Variants in CORO1C observed in about 807,000 individuals in gnomAD.
CORO1C encodes coronin-1C.
Under a neutral mutation model 51.2 loss-of-function variants are expected in CORO1C, and 14 were observed. That is an observed-to-expected ratio of 0.27 (90% CI 0.18 to 0.43). The LOEUF is 0.43. Ranked by LOEUF, CORO1C falls within the 20% of genes least tolerant of loss-of-function variation. CORO1C has a pLI of 1.00. For synonymous variants in CORO1C, 181 were observed against 210.5 expected (o/e 0.86, Z 1.21); for missense variants, 417 against 607.8 (o/e 0.69, Z 3.30).
In CORO1C at chr12:108,647,291, G is replaced by T; in HGVS notation, c.*112C>A. 1.1e-6 allele frequency: 1 copy of T among 931,982 alleles called. No homozygotes were observed. The highest frequency in any genetic ancestry group is 1.6e-6 in the Non-Finnish European group (1 of 641,286). 57.7% of individuals were successfully genotyped at this position (931,982 alleles called of 1,614,324 possible). ...CTGGTTGACAAATCTGAAATGGAAT[G>T]TCTCCAAATGGCAGTGCCTCCCTTT... On this transcript the variant is annotated 3_prime_UTR_variant, in exon 11 of 11. Coordinates refer to ENST00000261401, the MANE Select transcript of CORO1C (RefSeq NM_014325.4).
At chr12:108,716,904 G>A (rs905694545) in intron 1 of CORO1C, among the ~76,000 whole-genome samples, 2 of 152,166 alleles carry the variant, frequency 1.3e-5, no homozygotes, top group Non-Finnish European at 1.5e-5. Flanking sequence ...TATTCACTCG[G>A]CTTTGACCAT....
At chr12:108,678,143 G>T in intron 3 of CORO1C, 129 bp downstream of exon 3, 1 of 681,780 alleles carries the variant, frequency 1.5e-6, no homozygotes, top group Non-Finnish European at 2.3e-6. Flanking sequence ...AAATCCAACA[G>T]ACAGTCAAAA....
rs2033138374 is a variant in CORO1C, at chr12:108,658,878, C to T, written c.490G>A (p.Glu164Lys). The stretch of plus-strand genomic sequence containing the variant: ...ATATCGTCCAAGTTTATAAGGGCTT[C>T]CCCTGTTCCCACATTCCAGATGATA... ...AIIIWNVGTG[E>K]ALINLDDMHS... is the part of the protein sequence containing the mutation. The change falls in exon 5 of 11, where the codon GAA becomes AAA. Residue 164 changes from glutamate (E) to lysine (K), a missense_variant. Transcript: ENST00000261401. The surrounding 1 kb of genome is among the most constrained non-coding windows in gnomAD (Gnocchi z 4.9). 1 of 1,613,474 alleles carries T rather than the reference C, an allele frequency of 6.2e-7. No individual in the cohort carries two copies. Among genetic ancestry groups the T allele is most frequent in the Middle Eastern group, 1.7e-4 (1 of 6,058 alleles).
At chr12:108,666,873 C>T (rs61934129) in intron 3 of CORO1C, among the ~76,000 whole-genome samples, 1 of 152,168 alleles carries the variant, frequency 6.6e-6, no homozygotes. Flanking sequence ...AATACTGCAA[C>T]TAGGGAGAAG....
At chr12:108,668,429 G>A (rs2033578606) in intron 3 of CORO1C, 1 of 152,086 alleles carries the variant, frequency 6.6e-6, no homozygotes, top group Non-Finnish European at 1.5e-5. Context: ...TTTTATTTCA[G>A]GGCAAAAACT....
rs536195768 is a variant in CORO1C at position 108,711,807 on chromosome 12, TGA to T, written c.-5-10486_-5-10485del. On this transcript the variant is annotated intron_variant, in intron 1 of 10. Coordinates refer to ENST00000261401, the MANE Select transcript of CORO1C (RefSeq NM_014325.4). ...CCAAATAAAATACACTCAAAACACCTGAGTAAATGTTACATTTTCTCTATTCT... is the reference window on the plus strand; with the variant it reads ...CCAAATAAAATACACTCAAAACACCTGTAAATGTTACATTTTCTCTATTCT... Among the ~76,000 whole-genome samples the T allele has an allele frequency of 2.0e-3, 299 of 152,298 alleles. 1 individual carries two copies. Among genetic ancestry groups the T allele is most frequent in the African/African-American group, 7.1e-3 (295 of 41,562 alleles).
At chr12:108,697,959 T>C (rs555446013) in intron 2 of CORO1C, among the ~76,000 whole-genome samples, 5 of 152,218 alleles carry the variant, frequency 3.3e-5, no homozygotes, top group African/African-American at 9.7e-5. Context: ...GTCAGCCCCA[T>C]AGAGAAATGT....
At chr12:108,691,448 T>C (rs2034491753) in intron 2 of CORO1C, among the ~76,000 whole-genome samples, 2 of 152,238 alleles carry the variant, frequency 1.3e-5, no homozygotes, top group Non-Finnish European at 1.5e-5. Context: ...TTACCGGAGA[T>C]ACAGCAGCTT....
intron 2 of CORO1C, among the ~76,000 whole-genome samples, chr12:108,694,642 A>T (rs1445033684): frequency 6.6e-6 from 1 of 152,234 alleles, no homozygotes; most frequent in Non-Finnish European, 1.5e-5. Flanking sequence ...ATCTTATAAC[A>T]CATTTTTTAG....
At chr12:108,657,985 C>G (rs2033098588) in intron 5 of CORO1C, among the ~76,000 whole-genome samples, 1 of 152,154 alleles carries the variant, frequency 6.6e-6, no homozygotes, top group Non-Finnish European at 1.5e-5. Flanking sequence ...AGAGATGCAG[C>G]CAAAGAACAA....
chr12:108,697,697 G>A (rs1171779311), intron 2 of CORO1C, among the ~76,000 whole-genome samples: 1 of 152,148 alleles, frequency 6.6e-6, no homozygotes, highest in African/African-American at 2.4e-5. Context: ...CTTCGAGGCT[G>A]TACTTCTAAT....
chr12:108,730,405 C>T (rs934557401), intron 1 of CORO1C: 1 of 152,302 alleles, frequency 6.6e-6, no homozygotes, highest in Non-Finnish European at 1.5e-5. Flanking sequence ...CAGCTCTCAC[C>T]GCAGCCTGCC....
At position 108,687,482 on chromosome 12, in the gene CORO1C, G is replaced by C. The variant is rs564820802; in HGVS notation, c.196-9088C>G. 3.3e-5 allele frequency among the ~76,000 whole-genome samples: 5 copies of C among 150,272 alleles called. No homozygotes were observed. In the East Asian group the frequency reaches 1.0e-3, roughly 30 times the overall value. The stretch of plus-strand genomic sequence containing the variant: ...AGCCTGGGTGACAGAGTAAGACCCT[G>C]TTTCAAAAAAATAATAATAAGGCCA... On this transcript the variant is annotated intron_variant, in intron 2 of 10. Coordinates refer to ENST00000261401, the MANE Select transcript of CORO1C (RefSeq NM_014325.4).
chr12:108,663,581 G>A (rs2033358007), intron 3 of CORO1C, among the ~76,000 whole-genome samples: 1 of 152,214 alleles, frequency 6.6e-6, no homozygotes. Flanking sequence ...GCCAGACATA[G>A]AAGACCGCAT....
chr12:108,656,478 C>A (rs368594296), intron 6 of CORO1C, among the ~76,000 whole-genome samples: 1 of 151,886 alleles, frequency 6.6e-6, no homozygotes, highest in African/African-American at 2.4e-5. Flanking sequence ...AGGTGGGGGG[C>A]GCCTCTGCCC....
chr12:108,648,058 G>A (rs1245179270), intron 10 of CORO1C, among the ~76,000 whole-genome samples: 1 of 152,118 alleles, frequency 6.6e-6, no homozygotes, highest in Non-Finnish European at 1.5e-5. Context: ...TGGCCGCAGC[G>A]AGTCAAAGGC....
chr12:108,661,706 T>C (rs2033270431), intron 4 of CORO1C, among the ~76,000 whole-genome samples: 1 of 152,126 alleles, frequency 6.6e-6, no homozygotes, highest in African/African-American at 2.4e-5. Flanking sequence ...CCCAACAAAG[T>C]ACACCTTCTA....
At position 108,646,790 on chromosome 12, in the gene CORO1C, T is replaced by C. The variant is rs2032377684; in HGVS notation, c.*613A>G. The C allele has an allele frequency of 6.6e-6, 1 of 152,638 alleles. No homozygotes were observed. The highest frequency in any genetic ancestry group is 2.4e-5 in the African/African-American group (1 of 41,458). 9.5% of individuals were successfully genotyped at this position (152,638 alleles called of 1,614,324 possible). ...GTCATCAAAATGACCAGGTTTGTGC[T>C]GCAAAGGAGCCAGCACCATGTGGCT... On this transcript the variant is annotated 3_prime_UTR_variant, in exon 11 of 11. Transcript: ENST00000261401.
chr12:108,702,720 C>T lies in CORO1C; in HGVS notation c.-5-1397G>A, dbSNP rs147653636. On this transcript the variant is annotated intron_variant, in intron 1 of 10. Coordinates refer to ENST00000261401, the MANE Select transcript of CORO1C (RefSeq NM_014325.4). ...GTGGGCTGTTGCTAATTCCTTTCCTCTAATTCCCTTCCTCATGGCCCTGAG... is the reference window on the plus strand; with the variant it reads ...GTGGGCTGTTGCTAATTCCTTTCCTTTAATTCCCTTCCTCATGGCCCTGAG... 1,385 of 1,401,406 alleles carry T rather than the reference C, an allele frequency of 9.9e-4. 6 individuals are homozygous for T. The highest frequency in any genetic ancestry group is 6.3e-3 in the African/African-American group (433 of 68,930). The allele number at this position is 1,401,406 out of a possible 1,614,324, so 86.8% of individuals were successfully genotyped here.
Sources: gnomAD v4.1 joint callset for allele counts (sites outside exome capture counted in the v4.1 genomes callset) on GRCh38, gnomAD v4.1.1 for gene constraint, Gnocchi (gnomAD v3.1) non-coding constraint, MANE v1.5 for transcripts, NCBI Gene and HGNC (gene_info 2026-07-23, HGNC 2026-07-21) for gene names.